The following PCDHA1 variants were observed in gnomAD, a reference collection of about 807,000 sequenced individuals.
PCDHA1 encodes protocadherin alpha-1.
Under a neutral mutation model 61.3 loss-of-function variants are expected in PCDHA1, and 42 were observed. The ratio of observed to expected loss-of-function variants is 0.69; its 90% confidence interval spans 0.54 to 0.89. The LOEUF is 0.89. Ranked by LOEUF, PCDHA1 falls within the 40% of genes least tolerant of loss-of-function variation. The pLI is 0.00. For missense variants in PCDHA1, 1,256 were observed against 1,235.3 expected, an observed-to-expected ratio of 1.02 and a Z score of -0.25; for synonymous variants, 610 against 553.8, an observed-to-expected ratio of 1.10 and a Z score of -1.43.
At chr5:140,990,512 CTT>C (rs1323641272) in intron 3 of PCDHA1, among the ~76,000 whole-genome samples, 1 of 152,202 alleles carries the variant, frequency 6.6e-6, no homozygotes, top group African/African-American at 2.4e-5. Context: ...AGTCTTCTCT[CTT>C]GTCTTTTTTG....
intron 3 of PCDHA1, among the ~76,000 whole-genome samples, chr5:141,009,035 G>A (rs1455230382): frequency 2.6e-5 from 4 of 152,106 alleles, no homozygotes; most frequent in Non-Finnish European, 2.9e-5. Flanking sequence ...TTCCCATCCC[G>A]TTCCCAGTCA....
intron 1 of PCDHA1, among the ~76,000 whole-genome samples, chr5:140,800,581 T>A (rs1554121176): frequency 1.3e-5 from 2 of 152,140 alleles, no homozygotes; most frequent in Non-Finnish European, 1.5e-5. Flanking sequence ...GGTAAAGAGG[T>A]TAATGGTAAG....
intron 1 of PCDHA1, chr5:140,805,356 T>C (rs1191044616): frequency 1.7e-6 from 2 of 1,198,462 alleles, no homozygotes; most frequent in African/African-American, 3.2e-5. Flanking sequence ...AAAAATATAG[T>C]TTGGGTCCCC....
chr5:140,869,564 T>A, intron 1 of PCDHA1: 2 of 1,614,176 alleles, frequency 1.2e-6, no homozygotes, highest in South Asian at 2.2e-5. Context: ...CGTTTTCCAC[T>A]AGAGGGAGCT....
chr5:140,822,244 T>C (rs1424372692), intron 1 of PCDHA1: 2 of 1,614,120 alleles, frequency 1.2e-6, no homozygotes, highest in Non-Finnish European at 1.7e-6. Flanking sequence ...AGAGGGCGCG[T>C]CGGATTTGGA....
At chr5:140,864,478 G>A (rs377075793) in intron 1 of PCDHA1, 3 of 152,180 alleles carry the variant, frequency 2.0e-5, no homozygotes, top group Admixed American at 6.5e-5. Context: ...GATGTTGATT[G>A]CAGTGGGTGG....
At chr5:140,805,856 A>T (rs1172877583) in intron 1 of PCDHA1, among the ~76,000 whole-genome samples, 2 of 152,160 alleles carry the variant, frequency 1.3e-5, no homozygotes, top group Non-Finnish European at 2.9e-5. Context: ...GATCACCTTA[A>T]ATTAATGCAT....
At chr5:140,850,939 G>T in intron 1 of PCDHA1, 1 of 1,506,026 alleles carries the variant, frequency 6.6e-7, no homozygotes, top group Non-Finnish European at 8.9e-7. Context: ...TTTCTTGAAA[G>T]ATATTATCGA....
At chr5:140,906,766 C>T (rs1162031965) in intron 1 of PCDHA1, among the ~76,000 whole-genome samples, 1 of 152,224 alleles carries the variant, frequency 6.6e-6, no homozygotes, top group African/African-American at 2.4e-5. Flanking sequence ...TACTAAGAGA[C>T]ACCCTAAGGG....
At chr5:140,828,498 A>T in intron 1 of PCDHA1, 1 of 1,614,228 alleles carries the variant, frequency 6.2e-7, no homozygotes, top group Middle Eastern at 1.6e-4. Flanking sequence ...TTCCCGGTAG[A>T]GGAACAAAGA....
chr5:140,845,984 T>C (rs2150383304), intron 1 of PCDHA1, among the ~76,000 whole-genome samples: 2 of 149,806 alleles, frequency 1.3e-5, no homozygotes, highest in African/African-American at 4.9e-5. Flanking sequence ...ATATTTTGAA[T>C]GTTGTGTGGT....
intron 1 of PCDHA1, chr5:140,841,298 T>C (rs1554138068): frequency 6.4e-7 from 1 of 1,567,044 alleles, no homozygotes; most frequent in Admixed American, 2.0e-5. Flanking sequence ...GATAATATTT[T>C]CTGATAGGAA....
intron 1 of PCDHA1, chr5:140,968,073 A>G: frequency 6.2e-7 from 1 of 1,614,142 alleles, no homozygotes; most frequent in African/African-American, 1.3e-5. Flanking sequence ...GCTGTCTACA[A>G]CATCACGGTG....
At chr5:140,913,610 A>C (rs1271705435) in intron 1 of PCDHA1, among the ~76,000 whole-genome samples, 2 of 151,906 alleles carry the variant, frequency 1.3e-5, no homozygotes, top group African/African-American at 4.8e-5. Flanking sequence ...TATTTTCTCT[A>C]CTAATTTTGG....
intron 1 of PCDHA1, among the ~76,000 whole-genome samples, chr5:140,827,066 C>T (rs1769167179): frequency 6.6e-6 from 1 of 152,076 alleles, no homozygotes; most frequent in African/African-American, 2.4e-5. Context: ...TTGCTCATGC[C>T]TTGCTATTTA....
chr5:140,796,067 T>C (rs1210866356), intron 1 of PCDHA1: 3 of 1,614,224 alleles, frequency 1.9e-6, no homozygotes, highest in Non-Finnish European at 2.5e-6. Flanking sequence ...CTGGGCACTG[T>C]CATTGCTCTC....
At chr5:140,973,862 A>G (rs1438238778) in intron 1 of PCDHA1, among the ~76,000 whole-genome samples, 2 of 152,196 alleles carry the variant, frequency 1.3e-5, no homozygotes, top group Non-Finnish European at 2.9e-5. Flanking sequence ...TTTGCTCTCA[A>G]TGAGAGGTCA....
intron 1 of PCDHA1, among the ~76,000 whole-genome samples, chr5:140,800,204 T>C (rs1209406776): frequency 6.6e-6 from 1 of 152,138 alleles, no homozygotes; most frequent in African/African-American, 2.4e-5. Flanking sequence ...ATATTCTTAA[T>C]TGATGTGATG....
Position 140,786,964 on chromosome 5 carries a change from C to T in PCDHA1, c.674C>T (p.Thr225Ile). ...GGGGGCAAACCGGAGCTGCAAGGTA[C>T]AGTTGAGCTGCTGATCACCGTCCTC... ...TDGGKPELQGTVELLITVLDV... is the reference protein window; with the variant it reads ...TDGGKPELQGIVELLITVLDV... Residue 225 changes from threonine (T) to isoleucine (I), a missense_variant, in exon 1 of 4, where the codon ACA becomes ATA. Coordinates refer to ENST00000504120, the MANE Select transcript of PCDHA1 (RefSeq NM_018900.4). 6.2e-7 allele frequency: 1 copy of T among 1,614,142 alleles called. No individual in the cohort carries two copies. The highest frequency in any genetic ancestry group is 8.5e-7 in the Non-Finnish European group (1 of 1,180,014).
Sources: allele counts gnomAD v4.1 joint callset (sites outside exome capture counted in the v4.1 genomes callset), GRCh38; gene constraint gnomAD v4.1.1; transcripts MANE v1.5; gene names NCBI Gene and HGNC (gene_info 2026-07-23, HGNC 2026-07-21).